Variants in RBM33 observed in about 807,000 individuals in gnomAD.
RBM33 encodes RNA-binding protein 33.
A neutral mutation model predicts 132.6 loss-of-function variants in RBM33; 28 were observed. That is an observed-to-expected ratio of 0.21 (90% CI 0.16 to 0.29). The LOEUF (loss-of-function observed/expected upper bound fraction) is 0.29. Among genes scored for constraint, RBM33 ranks in the 10% least tolerant of loss-of-function variants. RBM33 has a pLI of 1.00. For missense variants in RBM33, 1,291 were observed against 1,518.5 expected (o/e 0.85, Z 2.49); for synonymous variants, 634 against 593.0 (o/e 1.07, Z -1.01).
At chr7:155,719,155 G>A (rs1448586336) in intron 9 of RBM33, among the ~76,000 whole-genome samples, 1 of 151,754 alleles carries the variant, frequency 6.6e-6, no homozygotes, top group Non-Finnish European at 1.5e-5. Flanking sequence ...TTTGTTCATG[G>A]TTTTACTAAA....
Position 155,775,110 on chromosome 7 carries a change from C to T in RBM33, c.*69C>T, listed in dbSNP as rs766341482. ...GAATTTCTTCAAGGGAGCTGCCGGC[C>T]GGCGCAGAACCCCCAGGAGCACAGG... On this transcript the variant is annotated 3_prime_UTR_variant, in exon 18 of 18. Transcript: ENST00000401878. The T allele has an allele frequency of 3.7e-5, 51 of 1,363,128 alleles. No individual in the cohort carries two copies. Among genetic ancestry groups the T allele is most frequent in the South Asian group, 3.1e-4 (27 of 85,800 alleles). The allele number at this position is 1,363,128 out of a possible 1,614,324, so 84.4% of individuals were successfully genotyped here.
At chr7:155,695,853 C>T (rs1351667957) in intron 5 of RBM33, among the ~76,000 whole-genome samples, 1 of 152,108 alleles carries the variant, frequency 6.6e-6, no homozygotes, top group Non-Finnish European at 1.5e-5. Context: ...TTGTTTACTC[C>T]AAAGTTGTTA....
At position 155,763,953 on chromosome 7, in the gene RBM33, C is replaced by T. The variant is rs1218693613; in HGVS notation, c.3121C>T (p.Pro1041Ser). The T allele has an allele frequency of 6.3e-7, 1 of 1,598,288 alleles. No individual in the cohort carries two copies. Among genetic ancestry groups the T allele is most frequent in the East Asian group, 2.3e-5 (1 of 44,232 alleles). Reference sequence around the variant, plus strand: ...GCAGCCCCCACATCTGCCAGCGGGGCCCCACGCACACTCGCCTGTCCCTCC... The same window carrying T: ...GCAGCCCCCACATCTGCCAGCGGGGTCCCACGCACACTCGCCTGTCCCTCC... ...LQQPPHLPAG[P>S]HAHSPVPPGI... The change falls in exon 15 of 18, where the codon CCC becomes TCC. Residue 1041 changes from proline to serine, a missense_variant. Around this residue, in one of 7 missense-constraint regions of RBM33, gnomAD observed 841 missense variants for 912.0 expected, o/e 0.92. Transcript: ENST00000401878.
intron 6 of RBM33, among the ~76,000 whole-genome samples, chr7:155,705,983 G>A (rs1360711633): frequency 6.6e-6 from 1 of 152,220 alleles, no homozygotes; most frequent in Non-Finnish European, 1.5e-5. Context: ...GAAATGATAT[G>A]TATTAAATTG....
At chr7:155,673,940 G>GTTGTTGTTTGTTTTTTTT in intron 3 of RBM33, among the ~76,000 whole-genome samples, 1,956 of 54,194 alleles carry the variant, frequency 0.036, 607 homozygotes, top group Non-Finnish European at 0.042. Flanking sequence ...TTTAGGCTTA[G>GTTGTTGTTTGTTTTTTTT]TTTTTTTTTT....
intron 5 of RBM33, among the ~76,000 whole-genome samples, chr7:155,698,375 A>C (rs945712440): frequency 1.3e-5 from 2 of 152,176 alleles, no homozygotes; most frequent in Non-Finnish European, 2.9e-5. Context: ...TCAGGGAAAA[A>C]AAAAAATTAT....
Position 155,682,567 on chromosome 7 carries a change from C to G in RBM33, c.567+1659C>G, listed in dbSNP as rs138052647. On this transcript the variant is annotated intron_variant, in intron 5 of 17. Coordinates refer to ENST00000401878, the MANE Select transcript of RBM33 (RefSeq NM_053043.3). ...CAGTAAAGTAAGATGATTGGCTAATCGTCCTGGGTTCTTTCCTCCTGTAAG... is the reference window on the plus strand; with the variant it reads ...CAGTAAAGTAAGATGATTGGCTAATGGTCCTGGGTTCTTTCCTCCTGTAAG... 3.1e-3 allele frequency among the ~76,000 whole-genome samples: 477 copies of G among 152,298 alleles called. 15 individuals are homozygous for G. The highest frequency in any genetic ancestry group is 0.028 in the Admixed American group (432 of 15,298).
chr7:155,742,022 A>T lies in RBM33; in HGVS notation c.2253A>T (p.Arg751Ser). 6.2e-7 allele frequency: 1 copy of T among 1,613,990 alleles called. No homozygotes were observed. The highest frequency in any genetic ancestry group is 8.5e-7 in the Non-Finnish European group (1 of 1,179,894). Residue 751 changes from arginine (R) to serine (S), a missense_variant, in exon 13 of 18, where the codon AGA becomes AGT. Physicochemically the swap from Arg to Ser is moderately radical, Grantham distance 110. Transcript: ENST00000401878. ...CCTCGCGGGCCGTGGCGGGTTCCAG[A>T]AGCTCACAGGGAAAGACGGAAGTGA... is the stretch of plus-strand genomic sequence containing the variant. Reference protein sequence around the residue: ...SPPSRAVAGSRSSQGKTEVKV... With the variant: ...SPPSRAVAGSSSSQGKTEVKV...
intron 3 of RBM33, among the ~76,000 whole-genome samples, chr7:155,677,966 A>ACC (rs200120077): frequency 2.0e-5 from 3 of 151,854 alleles, no homozygotes; most frequent in Admixed American, 6.6e-5. Context: ...TGTGAATAAC[A>ACC]CCCCCCCAAC....
intron 1 of RBM33, among the ~76,000 whole-genome samples, chr7:155,651,633 G>T (rs1798359265): frequency 6.7e-6 from 1 of 149,150 alleles, no homozygotes; most frequent in African/African-American, 2.5e-5. Flanking sequence ...AGAAATGAGT[G>T]TCAGTTCCTA....
At chr7:155,767,873 A>T (rs577540906) in intron 16 of RBM33, among the ~76,000 whole-genome samples, 1 of 152,372 alleles carries the variant, frequency 6.6e-6, no homozygotes, top group South Asian at 2.1e-4. Context: ...ACACTAGAGC[A>T]TTTTAGATGG....
chr7:155,779,050 CTT>C lies in RBM33; in HGVS notation c.*4010_*4011del. The C allele has an allele frequency of 6.6e-6, 1 of 152,386 alleles. No individual in the cohort carries two copies. 9.4% of individuals were successfully genotyped at this position (152,386 alleles called of 1,614,324 possible). ...TGTCTGCAGTGCCCTTTGTGGGTGA[CTT>C]CAGGCTTCCCGCTTTCGTGGTGCTC... On this transcript the variant is annotated 3_prime_UTR_variant, in exon 18 of 18. Coordinates refer to ENST00000401878, the MANE Select transcript of RBM33 (RefSeq NM_053043.3).
At chr7:155,650,398 C>G (rs927093488) in intron 1 of RBM33, among the ~76,000 whole-genome samples, 2 of 152,206 alleles carry the variant, frequency 1.3e-5, no homozygotes, top group Non-Finnish European at 2.9e-5. Context: ...TCTTTAATCT[C>G]TTAATGTAAT....
At chr7:155,645,533 A>G (rs555175784) in intron 1 of RBM33, among the ~76,000 whole-genome samples, 4 of 152,354 alleles carry the variant, frequency 2.6e-5, no homozygotes, top group African/African-American at 9.6e-5. Flanking sequence ...TGAAAACGTG[A>G]CACAAAAGGT....
In RBM33 at chr7:155,680,757, C is replaced by G; in HGVS notation, c.416C>G (p.Thr139Ser). Residue 139 changes from threonine (T) to serine (S), a missense_variant, in exon 5 of 18, where the codon ACT becomes AGT. Around this residue, in one of 7 missense-constraint regions of RBM33, gnomAD observed 194 missense variants for 249.8 expected, o/e 0.78. Transcript: ENST00000401878. Reference protein sequence around the residue: ...YHKSDGSELYTQEYPEEGQYE... With the variant: ...YHKSDGSELYSQEYPEEGQYE... ...AAATCTGATGGATCAGAATTGTATA[C>G]TCAAGAGTACCCAGAAGAAGGACAG... 6.2e-7 allele frequency: 1 copy of G among 1,613,588 alleles called. No homozygotes were observed.
At chr7:155,765,639 C>T (rs549254806) in intron 15 of RBM33, among the ~76,000 whole-genome samples, 6 of 152,206 alleles carry the variant, frequency 3.9e-5, no homozygotes, top group African/African-American at 1.4e-4. Flanking sequence ...TCCATCACCA[C>T]CCTGCCTTCT....
intron 7 of RBM33, among the ~76,000 whole-genome samples, chr7:155,708,934 C>T (rs921565443): frequency 6.6e-6 from 1 of 151,936 alleles, no homozygotes; most frequent in African/African-American, 2.4e-5. Context: ...CCTTGGTTGG[C>T]TCTTTCCTGC....
chr7:155,771,595 C>G (rs1802428090), intron 16 of RBM33, among the ~76,000 whole-genome samples: 1 of 152,120 alleles, frequency 6.6e-6, no homozygotes. Context: ...AACCTGATAC[C>G]AAATATTGTA....
At chr7:155,657,624 C>T (rs556772284) in intron 1 of RBM33, among the ~76,000 whole-genome samples, 2 of 152,314 alleles carry the variant, frequency 1.3e-5, no homozygotes, top group African/African-American at 4.8e-5. Context: ...CCTCGCTTCT[C>T]AGGCTCCCAA....
Sources: allele counts gnomAD v4.1 joint callset (sites outside exome capture counted in the v4.1 genomes callset), GRCh38; gene constraint gnomAD v4.1.1; regional missense constraint gnomAD v4.1.1; transcripts MANE v1.5; gene names NCBI Gene and HGNC (gene_info 2026-07-23, HGNC 2026-07-21).